CPT2: variants seen among roughly 807,000 people sequenced by gnomAD.
The protein encoded by CPT2 is carnitine palmitoyltransferase 2, also known as carnitine O-palmitoyltransferase 2, mitochondrial.
In CPT2, 37 loss-of-function variants were observed where a neutral mutation model predicts 48.6. That is an observed-to-expected ratio of 0.76 (90% CI 0.59 to 1.00). CPT2 has a LOEUF of 1.00. CPT2 is among the 50% of genes least tolerant of loss of function. CPT2 has a pLI of 0.00. For missense variants in CPT2, 772 were observed against 825.6 expected (o/e 0.94, Z 0.80); for synonymous variants, 319 against 326.9 (o/e 0.98, Z 0.26).
chr1:53,205,902 G>A (rs576881486), intron 3 of CPT2, among the ~76,000 whole-genome samples: 1 of 152,332 alleles, frequency 6.6e-6, no homozygotes, highest in African/African-American at 2.4e-5. Flanking sequence ...ACCTCGTCCG[G>A]CCGGGTGCGG....
Position 53,210,908 on chromosome 1 carries a change from G to T in CPT2, c.1234G>T (p.Val412Leu), listed in dbSNP as rs575447822. ...AGCTACCACTGACTCTACTGTCACGGTGCAGAAACTCAACTTCGAGCTGAC... is the reference window on the plus strand; with the variant it reads ...AGCTACCACTGACTCTACTGTCACGTTGCAGAAACTCAACTTCGAGCTGAC... ...QPATTDSTVT[V>L]QKLNFELTDA... is the part of the protein sequence containing the mutation. The change falls in exon 4 of 5, where the codon GTG becomes TTG. Residue 412 changes from valine to leucine, a missense_variant. Physicochemically the swap from Val to Leu is conservative, Grantham distance 32. Coordinates refer to ENST00000371486, the MANE Select transcript of CPT2 (RefSeq NM_000098.3). 6.6e-5 allele frequency: 107 copies of T among 1,614,188 alleles called. 1 individual carries two copies. The South Asian group carries it at 1.1e-3, about 16-fold the overall frequency.
intron 3 of CPT2, among the ~76,000 whole-genome samples, chr1:53,205,093 C>G (rs1313160644): frequency 1.3e-5 from 2 of 152,262 alleles, no homozygotes; most frequent in African/African-American, 4.8e-5. Flanking sequence ...GAGGTTGGAA[C>G]AGTTTGGAGG....
rs1378304470 is a variant in CPT2, at chr1:53,210,838, T to G, written c.1164T>G (p.Phe388Leu). ...TGCTCAGATTTTTTAATGAAGTATT[T>G]AAAGACAGCACTCAGACCCCTGCCG... Reference protein sequence around the residue: ...VAVLRFFNEVFKDSTQTPAVT... With the variant: ...VAVLRFFNEVLKDSTQTPAVT... Residue 388 changes from phenylalanine to leucine, a missense_variant, in exon 4 of 5, where the codon TTT becomes TTG. Transcript: ENST00000371486. 1 of 1,614,100 alleles carries G rather than the reference T, an allele frequency of 6.2e-7. No homozygotes were observed. Among genetic ancestry groups the G allele is most frequent in the South Asian group, 1.1e-5 (1 of 91,080 alleles).
Position 53,210,199 on chromosome 1 carries a change from G to A in CPT2, c.525G>A (p.Val175=). 6.2e-7 allele frequency: 1 copy of A among 1,614,156 alleles called. No homozygotes were observed. Among genetic ancestry groups the A allele is most frequent in the Non-Finnish European group, 8.5e-7 (1 of 1,180,038 alleles). ...TLRAGLLEPE[V]FHLNPAKSDT... ...GGGCTGGCCTTCTGGAGCCAGAAGTGTTCCACTTGAACCCTGCAAAAAGTG... is the reference window on the plus strand; with the variant it reads ...GGGCTGGCCTTCTGGAGCCAGAAGTATTCCACTTGAACCCTGCAAAAAGTG... Residue 175 remains valine (V), a synonymous_variant, in exon 4 of 5, where the codon GTG becomes GTA. Coordinates refer to ENST00000371486, the MANE Select transcript of CPT2 (RefSeq NM_000098.3).
At chr1:53,203,733 C>T (rs1645368146) in intron 3 of CPT2, 2 of 151,328 alleles carry the variant, frequency 1.3e-5, no homozygotes, top group African/African-American at 4.9e-5. Context: ...TGTTGGGACT[C>T]GTGTTTCTTG....
chr1:53,196,909 T>A lies in CPT2; in HGVS notation c.-35T>A. On this transcript the variant is annotated 5_prime_UTR_variant, in exon 1 of 5. It adds an upstream start codon to the 5' untranslated region. Coordinates refer to ENST00000371486, the MANE Select transcript of CPT2 (RefSeq NM_000098.3). ...GTGTTTAGACTCCAGAACTCCCCAC[T>A]TGCCGCGTTCTCGCCGCCGCAGGCT... The A allele has an allele frequency of 6.5e-7, 1 of 1,536,974 alleles. No homozygotes were observed. The highest frequency in any genetic ancestry group is 8.7e-7 in the Non-Finnish European group (1 of 1,149,768).
At chr1:53,213,125 G>C (rs1645440070) in intron 4 of CPT2, 139 bp from the exon 5 acceptor site, 3 of 743,910 alleles carry the variant, frequency 4.0e-6, no homozygotes, top group Admixed American at 4.0e-5. Context: ...TTAGTCAGTT[G>C]GTGGTGTGCA....
At chr1:53,211,379 C>CA in intron 4 of CPT2, 60 bp downstream of exon 4, 2 of 1,453,808 alleles carry the variant, frequency 1.4e-6, no homozygotes, top group Non-Finnish European at 1.9e-6. Flanking sequence ...GGTAAGCAAG[C>CA]CTAAATCATT....
intron 1 of CPT2, 190 bp downstream of exon 1, chr1:53,197,285 C>T: frequency 1.4e-6 from 1 of 711,522 alleles, no homozygotes; most frequent in South Asian, 1.6e-5. Flanking sequence ...ACCTCAGAAC[C>T]CTCAAATTCT....
At chr1:53,211,878 C>T (rs1320800636) in intron 4 of CPT2, among the ~76,000 whole-genome samples, 1 of 151,382 alleles carries the variant, frequency 6.6e-6, no homozygotes, top group African/African-American at 2.4e-5. Flanking sequence ...GGAATACAGG[C>T]GTGAGCCACC....
In CPT2 at chr1:53,210,870, C is replaced by T. The variant is rs1557717920; in HGVS notation, c.1196C>T (p.Pro399Leu). ...KDSTQTPAVT[P>L]QSQPATTDST... ...AGCACTCAGACCCCTGCCGTCACTC[C>T]ACAGAGCCAGCCAGCTACCACTGAC... is the stretch of plus-strand genomic sequence containing the variant. Residue 399 changes from proline (P) to leucine (L), a missense_variant, in exon 4 of 5, where the codon CCA (proline) becomes CTA (leucine). Transcript: ENST00000371486. 1 of 1,614,140 alleles carries T rather than the reference C, an allele frequency of 6.2e-7. No homozygotes were observed. Among genetic ancestry groups the T allele is most frequent in the Non-Finnish European group, 8.5e-7 (1 of 1,180,030 alleles).
chr1:53,213,145 A>T, intron 4 of CPT2, 119 bp from the exon 5 acceptor site: 1 of 919,832 alleles, frequency 1.1e-6, no homozygotes. Flanking sequence ...ATAGAGGTAG[A>T]GCCTTCCCCC....
Position 53,206,182 on chromosome 1 carries a change from C to CAA in CPT2, c.340+3773_340+3774dup, listed in dbSNP as rs951448638. Among the ~76,000 whole-genome samples, 456 of 58,756 alleles carry CAA rather than the reference C, an allele frequency of 7.8e-3. 2 individuals are homozygous for CAA. The highest frequency in any genetic ancestry group is 0.012 in the Non-Finnish European group (329 of 27,170). 38.5% of individuals were successfully genotyped at this position (58,756 alleles called of 152,430 possible). A position where few individuals can be genotyped will look rare whatever the true frequency, so the allele number is the denominator to read the frequency against. On this transcript the variant is annotated intron_variant, in intron 3 of 4. Coordinates refer to ENST00000371486, the MANE Select transcript of CPT2 (RefSeq NM_000098.3). ...TGGGTGACAGAGCAAGACTCCATTT[C>CAA]AAAAAAAAAAAAAAAAAAAAAGAGA...
intron 3 of CPT2, chr1:53,204,339 C>T (rs987730123): frequency 3.3e-5 from 5 of 152,030 alleles, no homozygotes; most frequent in African/African-American, 1.2e-4. Flanking sequence ...TTTAATCTCT[C>T]AACCTGTTTT....
At chr1:53,204,404 G>A (rs1557714828) in intron 3 of CPT2, 2 of 151,028 alleles carry the variant, frequency 1.3e-5, no homozygotes, top group Non-Finnish European at 3.0e-5. Flanking sequence ...TCTTCTTATG[G>A]TGTTCTTTTT....
chr1:53,209,921 C>T, intron 3 of CPT2, 94 bp from the exon 4 acceptor site: 1 of 1,072,632 alleles, frequency 9.3e-7, no homozygotes, highest in Non-Finnish European at 1.4e-6. Context: ...GATGCCATTT[C>T]CTTTGTCTAT....
intron 3 of CPT2, chr1:53,209,708 G>A (rs551284153): frequency 3.1e-5 from 11 of 356,756 alleles, no homozygotes; most frequent in African/African-American, 8.5e-5. Flanking sequence ...TCCGGGAGGC[G>A]GAGGTTGCAG....
At chr1:53,207,394 T>C (rs1336068098) in intron 3 of CPT2, 3 of 152,252 alleles carry the variant, frequency 2.0e-5, no homozygotes, top group Admixed American at 6.5e-5. Flanking sequence ...GCTAGTGTTG[T>C]AGAAGGCAGG....
rs2100274192 is a variant in CPT2 at position 53,211,027 on chromosome 1, A to C, written c.1353A>C (p.Gly451=). Residue 451 remains glycine (G), a synonymous_variant, in exon 4 of 5, where the codon GGA becomes GGC. Coordinates refer to ENST00000371486, the MANE Select transcript of CPT2 (RefSeq NM_000098.3). The stretch of plus-strand genomic sequence containing the variant: ...TTGACTGCGTCCAGTTTCAGAGAGG[A>C]GGCAAAGAATTCCTGAAGAAGCAAA... ...LTIDCVQFQR[G]GKEFLKKQKL... is the part of the protein sequence containing the mutation. 3 of 1,614,182 alleles carry C rather than the reference A, an allele frequency of 1.9e-6. No homozygotes were observed. Among genetic ancestry groups the C allele is most frequent in the Non-Finnish European group, 2.5e-6 (3 of 1,180,022 alleles).
Sources: allele counts gnomAD v4.1 joint callset (sites outside exome capture counted in the v4.1 genomes callset), GRCh38; gene constraint gnomAD v4.1.1; transcripts MANE v1.5; gene names NCBI Gene and HGNC (gene_info 2026-07-23, HGNC 2026-07-21).